The following ACAD10 variants were observed in gnomAD, a reference collection of about 807,000 sequenced individuals.
ACAD10 encodes the protein acyl-CoA dehydrogenase family member 10.
A neutral mutation model predicts 116.8 loss-of-function variants in ACAD10; 112 were observed. The observed-to-expected ratio is 0.96, with a 90% CI of 0.82 to 1.12. The LOEUF (loss-of-function observed/expected upper bound fraction) is 1.12, where lower values mean the gene tolerates loss of function less well. ACAD10 is among the 50% of genes most tolerant of loss of function. The probability of loss-of-function intolerance (pLI) is 0.00; values close to 1 mark genes in which losing one functional copy is unlikely to be tolerated. For synonymous variants in ACAD10, 486 were observed against 510.6 expected, an observed-to-expected ratio of 0.95 and a Z score of 0.65; for missense variants, 1,259 against 1,350.2, an observed-to-expected ratio of 0.93 and a Z score of 1.06.
chr12:111,718,843 A>G (rs148637426), intron 7 of ACAD10, among the ~76,000 whole-genome samples: 2,372 of 151,946 alleles, frequency 0.016, 72 homozygotes, highest in African/African-American at 0.054. Flanking sequence ...AGTGGCTCCC[A>G]CTTGTAATCC....
chr12:111,706,782 A>ATATTT (rs778649893), intron 4 of ACAD10, among the ~76,000 whole-genome samples: 3 of 126,504 alleles, frequency 2.4e-5, no homozygotes, highest in South Asian at 2.5e-4. Context: ...ATATATATAT[A>ATATTT]TTTTTTTTTT....
chr12:111,712,564 G>A lies in ACAD10; in HGVS notation c.757G>A (p.Val253Ile). ...CTTGGGTTTTACATTGAGAGTAGGT[G>A]TTCCAAACACTCGGCCTGTGAAAAA... ...ALLGFTLRVGVPNTRPVKKTM... is the reference protein window; with the variant it reads ...ALLGFTLRVGIPNTRPVKKTM... Residue 253 changes from valine to isoleucine, a missense_variant, in exon 6 of 21, where the codon GTT becomes ATT. Transcript: ENST00000313698. 2 of 1,614,130 alleles carry A rather than the reference G, an allele frequency of 1.2e-6. No individual in the cohort carries two copies. The highest frequency in any genetic ancestry group is 1.7e-6 in the Non-Finnish European group (2 of 1,179,990).
At chr12:111,709,810 C>A (rs1000272478) in intron 5 of ACAD10, 126 bp downstream of exon 5, 1 of 1,096,104 alleles carries the variant, frequency 9.1e-7, no homozygotes. Flanking sequence ...CCATAGTCAT[C>A]TTATTTTGTG....
chr12:111,756,313 C>T lies in ACAD10; in HGVS notation c.3040-20C>T, dbSNP rs749479402. 1.9e-6 allele frequency: 3 copies of T among 1,577,326 alleles called. No homozygotes were observed. Among genetic ancestry groups the T allele is most frequent in the Non-Finnish European group, 2.6e-6 (3 of 1,165,580 alleles). Reference sequence around the variant, plus strand: ...CAAGGGCTGACCCAGGGCCGCCTCCCTCCACTCTGTGTCTGCCAGGCCTTT... The same window carrying T: ...CAAGGGCTGACCCAGGGCCGCCTCCTTCCACTCTGTGTCTGCCAGGCCTTT... On this transcript the variant is annotated intron_variant, in intron 20 of 20. Transcript: ENST00000313698.
rs750744291 is a variant in ACAD10, at chr12:111,702,271, G to A, written c.297G>A (p.Glu99=). 3 of 1,614,024 alleles carry A rather than the reference G, an allele frequency of 1.9e-6. No individual in the cohort carries two copies. Among genetic ancestry groups the A allele is most frequent in the Non-Finnish European group, 2.5e-6 (3 of 1,180,026 alleles). The change falls in exon 3 of 21, where the codon GAG becomes GAA. Residue 99 remains glutamate, a synonymous_variant. Coordinates refer to ENST00000313698, the MANE Select transcript of ACAD10 (RefSeq NM_025247.6). ...TTATGAGAGCAGAAATAACAGCAGAGGGTTTTTTACGAGAATTTGGGAGAC... is the reference window on the plus strand; with the variant it reads ...TTATGAGAGCAGAAATAACAGCAGAAGGTTTTTTACGAGAATTTGGGAGAC... ...MRFMRAEITA[E]GFLREFGRLC... is the part of the protein sequence containing the mutation.
At chr12:111,745,789 G>A (rs1030469525) in intron 13 of ACAD10, among the ~76,000 whole-genome samples, 11 of 150,630 alleles carry the variant, frequency 7.3e-5, no homozygotes, top group Admixed American at 2.0e-4. Context: ...CGCCCGCCTC[G>A]GCCTCCCAAA....
At chr12:111,723,018 A>ACCC (rs761816539) in intron 8 of ACAD10, among the ~76,000 whole-genome samples, 1 of 90,604 alleles carries the variant, frequency 1.1e-5, no homozygotes, top group African/African-American at 4.4e-5. Context: ...CGGGGGGCTG[A>ACCC]CCCCCCCCCA....
intron 2 of ACAD10, among the ~76,000 whole-genome samples, chr12:111,697,093 A>T (rs1888209366): frequency 6.6e-6 from 1 of 151,360 alleles, no homozygotes; most frequent in Admixed American, 6.6e-5. Context: ...AAAAAAAAAA[A>T]AATTGGGCAT....
In ACAD10 at chr12:111,705,783, A is replaced by G. The variant is rs1283065091; in HGVS notation, c.382A>G (p.Ser128Gly). ...PVDSFFSLLT[S>G]ERVAKQFPVM... The stretch of plus-strand genomic sequence containing the variant: ...GGACTCATTTTTCTCTCTGTTGACC[A>G]GTGAGCGAGTGGCAAAGCAGTTCCC... The change falls in exon 4 of 21, where the codon AGT (serine) becomes GGT (glycine). Residue 128 changes from serine (S) to glycine (G), a missense_variant. Coordinates refer to ENST00000313698, the MANE Select transcript of ACAD10 (RefSeq NM_025247.6). 5.0e-6 allele frequency: 8 copies of G among 1,614,028 alleles called. No homozygotes were observed. Among genetic ancestry groups the G allele is most frequent in the African/African-American group, 1.3e-5 (1 of 74,906 alleles).
At chr12:111,716,111 A>C in intron 7 of ACAD10, 149 bp downstream of exon 7, 3 of 1,176,368 alleles carry the variant, frequency 2.6e-6, no homozygotes, top group Non-Finnish European at 3.6e-6. Context: ...CACACCTATA[A>C]TCCCAGTGCC....
chr12:111,748,485 C>T lies in ACAD10; in HGVS notation c.2644+10C>T. The stretch of plus-strand genomic sequence containing the variant: ...CTGGAAGATGCACCAGGTGAGACCT[C>T]CAGGGGCGGGTCACCCCTGGGTGTG... On this transcript the variant is annotated intron_variant, in intron 17 of 20. Transcript: ENST00000313698. 2 of 1,612,584 alleles carry T rather than the reference C, an allele frequency of 1.2e-6. No individual in the cohort carries two copies. The highest frequency in any genetic ancestry group is 1.7e-6 in the Non-Finnish European group (2 of 1,179,900).
intron 1 of ACAD10, chr12:111,688,268 G>A (rs1778587785): frequency 1.3e-5 from 2 of 152,132 alleles, no homozygotes; most frequent in Non-Finnish European, 2.9e-5. Context: ...GCATAGGAAC[G>A]TTAAGTAAAA....
chr12:111,746,195 G>T lies in ACAD10; in HGVS notation c.2167G>T (p.Asp723Tyr). The T allele has an allele frequency of 6.2e-7, 1 of 1,613,934 alleles. No homozygotes were observed. The highest frequency in any genetic ancestry group is 8.5e-7 in the Non-Finnish European group (1 of 1,179,962). ...GAACCTTTTCCTACCCTTAGAGGCT[G>T]ATCCCGAGAAAAAATACGGAGCAGG... ...LWNLFLPLEA[D>Y]PEKKYGAGLT... The change falls in exon 14 of 21, where the codon GAT becomes TAT. Residue 723 changes from aspartate (D) to tyrosine (Y), a missense_variant. Physicochemically the swap from Asp to Tyr is radical, Grantham distance 160. Coordinates refer to ENST00000313698, the MANE Select transcript of ACAD10 (RefSeq NM_025247.6).
At chr12:111,711,522 ATT>A (rs1176078999) in intron 5 of ACAD10, among the ~76,000 whole-genome samples, 24 of 107,246 alleles carry the variant, frequency 2.2e-4, no homozygotes, top group Admixed American at 5.0e-4. Flanking sequence ...CTGTGCTAAA[ATT>A]TTTTTTTTTT....
At chr12:111,750,538 A>G (rs918263531) in intron 18 of ACAD10, among the ~76,000 whole-genome samples, 1 of 152,138 alleles carries the variant, frequency 6.6e-6, no homozygotes, top group Non-Finnish European at 1.5e-5. Flanking sequence ...GTGAGCAGTG[A>G]TCACACCACT....
Position 111,723,196 on chromosome 12 carries a change from A to AC in ACAD10, c.1061+1464dup, listed in dbSNP as rs547875278. ...GGGCGGCTGGCCGGGTGGGGGGCTG[A>AC]CCCCCCCTCCTCCCTCCCGGACGGG... On this transcript the variant is annotated intron_variant, in intron 8 of 20. Coordinates refer to ENST00000313698, the MANE Select transcript of ACAD10 (RefSeq NM_025247.6). Among the ~76,000 whole-genome samples the AC allele has an allele frequency of 1.2e-4, 11 of 94,826 alleles. No individual in the cohort carries two copies. The South Asian group carries it at 1.5e-3, about 13-fold the overall frequency. 62.2% of individuals were successfully genotyped at this position (94,826 alleles called of 152,430 possible).
chr12:111,713,188 G>A (rs968456395), intron 6 of ACAD10, among the ~76,000 whole-genome samples: 1 of 150,912 alleles, frequency 6.6e-6, no homozygotes, highest in Non-Finnish European at 1.5e-5. Context: ...GTGGGTGCCT[G>A]TAATCCCAGA....
chr12:111,745,126 C>G (rs1167232201), intron 13 of ACAD10, 83 bp downstream of exon 13: 3 of 1,441,366 alleles, frequency 2.1e-6, no homozygotes, highest in African/African-American at 1.4e-5. Flanking sequence ...TGAACCATCC[C>G]AGGCAGTGAA....
At chr12:111,726,055 ACC>A (rs1245116908) in intron 8 of ACAD10, among the ~76,000 whole-genome samples, 3 of 151,176 alleles carry the variant, frequency 2.0e-5, no homozygotes, top group African/African-American at 7.3e-5. Context: ...GGAGTTTGAG[ACC>A]AGCCTGGCCA....
Sources: allele counts gnomAD v4.1 joint callset (sites outside exome capture counted in the v4.1 genomes callset), GRCh38; gene constraint gnomAD v4.1.1; transcripts MANE v1.5; gene names NCBI Gene and HGNC (gene_info 2026-07-23, HGNC 2026-07-21).